The following CLEC16A variants were observed in gnomAD, a reference collection of about 807,000 sequenced individuals.
CLEC16A encodes the protein protein CLEC16A.
Under a neutral mutation model 109.5 loss-of-function variants are expected in CLEC16A, and 51 were observed. The observed-to-expected ratio is 0.47, with a 90% CI of 0.37 to 0.59. The LOEUF is 0.59. CLEC16A is among the 20% of genes least tolerant of loss of function. The probability of loss-of-function intolerance (pLI) is 0.00; values close to 1 mark genes in which losing one functional copy is unlikely to be tolerated. For synonymous variants in CLEC16A, 673 were observed against 564.2 expected (o/e 1.19, Z -2.73); for missense variants, 1,339 against 1,394.0 (o/e 0.96, Z 0.63).
At chr16:11,168,867 G>C (rs2068385325) in intron 23 of CLEC16A, among the ~76,000 whole-genome samples, 1 of 152,254 alleles carries the variant, frequency 6.6e-6, no homozygotes, top group Non-Finnish European at 1.5e-5. Context: ...TGCTTGATTT[G>C]ACATTGGCTC....
chr16:11,145,249 G>A (rs994964487), intron 22 of CLEC16A, among the ~76,000 whole-genome samples: 4 of 152,174 alleles, frequency 2.6e-5, no homozygotes, highest in African/African-American at 7.2e-5. Context: ...CCCTTGGAGC[G>A]GGAAAACAGT....
At chr16:11,023,520 A>G (rs2046239103) in intron 12 of CLEC16A, among the ~76,000 whole-genome samples, 1 of 152,118 alleles carries the variant, frequency 6.6e-6, no homozygotes, top group Non-Finnish European at 1.5e-5. Flanking sequence ...GGGATGGAAC[A>G]TAAATGTCCC....
chr16:10,997,742 G>C (rs941062334), intron 10 of CLEC16A, among the ~76,000 whole-genome samples: 1 of 152,212 alleles, frequency 6.6e-6, no homozygotes, highest in Non-Finnish European at 1.5e-5. Context: ...GGGAACCACT[G>C]TTCTCAGTTT....
At chr16:11,037,702 C>G (rs1597150105) in intron 13 of CLEC16A, among the ~76,000 whole-genome samples, 1 of 152,156 alleles carries the variant, frequency 6.6e-6, no homozygotes, top group Admixed American at 6.5e-5. Flanking sequence ...CTGCTATCCT[C>G]TCTGAAGCGG....
At chr16:10,955,854 G>A (rs533695905) in intron 1 of CLEC16A, among the ~76,000 whole-genome samples, 1 of 152,324 alleles carries the variant, frequency 6.6e-6, no homozygotes, top group Admixed American at 6.5e-5. Flanking sequence ...CAGCTGGAGT[G>A]GTGCGGTGAC....
rs1046184309 is a variant in CLEC16A at position 11,181,553 on chromosome 16, G to C, written c.*2863G>C. 4 of 152,312 alleles carry C rather than the reference G, an allele frequency of 2.6e-5. No homozygotes were observed. Among genetic ancestry groups the C allele is most frequent in the African/African-American group, 9.6e-5 (4 of 41,462 alleles). The allele number at this position is 152,312 out of a possible 1,614,324, so 9.4% of individuals were successfully genotyped here. ...AACCTTGGCTTTGAATATTGTTGTGGAGGTGTGCTCGTCCCTTTCTGGACG... is the reference window on the plus strand; with the variant it reads ...AACCTTGGCTTTGAATATTGTTGTGCAGGTGTGCTCGTCCCTTTCTGGACG... On this transcript the variant is annotated 3_prime_UTR_variant, in exon 24 of 24. Coordinates refer to ENST00000409790, the MANE Select transcript of CLEC16A (RefSeq NM_015226.3).
chr16:11,174,344 C>T lies in CLEC16A; in HGVS notation c.2807-3991C>T, dbSNP rs999680221. 2 of 412,984 alleles carry T rather than the reference C, an allele frequency of 4.8e-6. No homozygotes were observed. Among genetic ancestry groups the T allele is most frequent in the African/African-American group, 2.0e-5 (1 of 49,344 alleles). 25.6% of individuals were successfully genotyped at this position (412,984 alleles called of 1,614,324 possible). On this transcript the variant is annotated intron_variant, in intron 23 of 23. Coordinates refer to ENST00000409790, the MANE Select transcript of CLEC16A (RefSeq NM_015226.3). This position sits in a 1 kb window ranked among gnomAD's most constrained non-coding sequence, Gnocchi z 4.7. ...CGCCACGCTGCATTTCCACAGTCGG[C>T]AGGGTCCGCGCTGGCAAGGTGGGCC...
chr16:10,977,449 G>T lies in CLEC16A; in HGVS notation c.903+50G>T, dbSNP rs201643455. 4 of 1,542,446 alleles carry T rather than the reference G, an allele frequency of 2.6e-6. No individual in the cohort carries two copies. The highest frequency in any genetic ancestry group is 3.5e-6 in the Non-Finnish European group (4 of 1,128,160). On this transcript the variant is annotated intron_variant, in intron 8 of 23. Coordinates refer to ENST00000409790, the MANE Select transcript of CLEC16A (RefSeq NM_015226.3). Reference sequence around the variant, plus strand: ...CTGGCTGAAGGCCATCAGAAGTGGGGAAGAACAGTCCCCAGTCCCCTGGAA... The same window carrying T: ...CTGGCTGAAGGCCATCAGAAGTGGGTAAGAACAGTCCCCAGTCCCCTGGAA...
intron 3 of CLEC16A, among the ~76,000 whole-genome samples, chr16:10,968,018 T>C (rs1361944502): frequency 1.3e-5 from 2 of 152,220 alleles, no homozygotes; most frequent in Non-Finnish European, 2.9e-5. Flanking sequence ...AGGACAAGAC[T>C]CTGAGTAGCG....
At chr16:11,080,220 A>G (rs1055619382) in intron 19 of CLEC16A, among the ~76,000 whole-genome samples, 4 of 152,240 alleles carry the variant, frequency 2.6e-5, no homozygotes, top group Non-Finnish European at 5.9e-5. Flanking sequence ...AGGACAGGAC[A>G]GAGCCCTCCT....
At chr16:11,148,172 G>T (rs115011950) in intron 22 of CLEC16A, among the ~76,000 whole-genome samples, 3 of 152,308 alleles carry the variant, frequency 2.0e-5, no homozygotes, top group South Asian at 2.1e-4. Flanking sequence ...TGAGTAGTTC[G>T]TGTTGTGGAT....
intron 19 of CLEC16A, among the ~76,000 whole-genome samples, chr16:11,079,196 G>C (rs115709121): frequency 6.6e-6 from 1 of 152,206 alleles, no homozygotes; most frequent in African/African-American, 2.4e-5. Flanking sequence ...ACTCCCTGCA[G>C]CACTGAAACT....
At chr16:11,085,940 A>AT (rs1457363694) in intron 19 of CLEC16A, among the ~76,000 whole-genome samples, 1 of 152,100 alleles carries the variant, frequency 6.6e-6, no homozygotes, top group African/African-American at 2.4e-5. Context: ...CATCCAAACC[A>AT]TATCAGTACC....
chr16:10,973,095 G>A, intron 7 of CLEC16A, 34 bp downstream of exon 7: 1 of 1,573,212 alleles, frequency 6.4e-7, no homozygotes, highest in Non-Finnish European at 8.6e-7. Context: ...TCAGTAGATA[G>A]ACAGGGTGGT....
chr16:10,945,072 G>A (rs978381145), intron 1 of CLEC16A, among the ~76,000 whole-genome samples: 5 of 152,304 alleles, frequency 3.3e-5, no homozygotes, highest in East Asian at 3.9e-4. Context: ...TCAGTTTATG[G>A]ACACAGACTT....
At chr16:10,999,205 G>A (rs1317623408) in intron 10 of CLEC16A, among the ~76,000 whole-genome samples, 5 of 151,978 alleles carry the variant, frequency 3.3e-5, no homozygotes, top group Admixed American at 2.0e-4. Context: ...CCAAAGTGCT[G>A]GGATTACAGA....
intron 22 of CLEC16A, among the ~76,000 whole-genome samples, chr16:11,162,571 C>G (rs1346357448): frequency 6.6e-6 from 1 of 152,260 alleles, no homozygotes; most frequent in Admixed American, 6.5e-5. Flanking sequence ...GCTGCCTTCT[C>G]TGCTCTGGAC....
intron 22 of CLEC16A, among the ~76,000 whole-genome samples, chr16:11,135,618 A>G (rs4408563): frequency 0.19 from 28,508 of 152,268 alleles, 2,891 homozygotes; most frequent in African/African-American, 0.27. Flanking sequence ...CCTTCTGGTC[A>G]TAAGAGTGTG....
At chr16:11,166,708 C>T (rs1432799260) in intron 23 of CLEC16A, among the ~76,000 whole-genome samples, 156 bp downstream of exon 23, 1 of 152,238 alleles carries the variant, frequency 6.6e-6, no homozygotes, top group Admixed American at 6.5e-5. Flanking sequence ...AGAGATTCCT[C>T]TAACTTGATG....
Sources: gnomAD v4.1 joint callset for allele counts (sites outside exome capture counted in the v4.1 genomes callset) on GRCh38, gnomAD v4.1.1 for gene constraint, Gnocchi (gnomAD v3.1) non-coding constraint, MANE v1.5 for transcripts, NCBI Gene and HGNC (gene_info 2026-07-23, HGNC 2026-07-21) for gene names.